Variants in DMD observed in about 807,000 individuals in gnomAD.
DMD encodes mutant dystrophin.
Under a neutral mutation model 330.1 loss-of-function variants are expected in DMD, and 63 were observed. That is an observed-to-expected ratio of 0.19 (90% confidence interval 0.16 to 0.24). The LOEUF is 0.24. Ranked by LOEUF, DMD falls within the 10% of genes least tolerant of loss-of-function variation. The probability of loss-of-function intolerance (pLI) is 1.00; values close to 1 mark genes in which losing one functional copy is unlikely to be tolerated. For missense variants in DMD, 3,344 were observed against 2,684.1 expected, an observed-to-expected ratio of 1.25 and a Z score of -5.43; for synonymous variants, 1,223 against 959.8, an observed-to-expected ratio of 1.27 and a Z score of -5.07.
At chrX:31,694,617 CATATATATATATATATATAT>C (rs34933227) in intron 52 of DMD, among the ~76,000 whole-genome samples, 2 of 58,188 alleles carry the variant, frequency 3.4e-5, no homozygotes, top group Admixed American at 2.4e-4. Context: ...TGACAAACAG[CATATATATATATATATATAT>C]ATATATATAT....
At chrX:31,203,108 C>A (rs2043668965) in intron 67 of DMD, among the ~76,000 whole-genome samples, 1 of 108,260 alleles carries the variant, frequency 9.2e-6, no homozygotes, top group African/African-American at 3.4e-5. Context: ...CTGGTGAAAC[C>A]CTGTCTCTAC....
At position 33,317,764 on chromosome X, in the gene DMD, T is replaced by C. The variant is rs759994253; in HGVS notation, c.7+21495A>G. On this transcript the variant is annotated intron_variant, in intron 1 of 17. Transcript: ENST00000288447. Reference sequence around the variant, plus strand: ...TGCTTAATAGAGCCCACTGTCTCAATAGAAAAGGAATCTGTCTAGTTTCAG... The same window carrying C: ...TGCTTAATAGAGCCCACTGTCTCAACAGAAAAGGAATCTGTCTAGTTTCAG... Among the ~76,000 whole-genome samples, 59 of 111,704 alleles carry C rather than the reference T, an allele frequency of 5.3e-4. 1 individual carries two copies. The highest frequency in any genetic ancestry group is 1.9e-4 in the Non-Finnish European group (10 of 53,055).
chrX:33,009,011 TAC>T (rs1290264959), intron 2 of DMD, among the ~76,000 whole-genome samples: 1 of 98,420 alleles, frequency 1.0e-5, no homozygotes, highest in Non-Finnish European at 2.1e-5. Context: ...TATACACACA[TAC>T]ACACGTATAT....
intron 34 of DMD, among the ~76,000 whole-genome samples, chrX:32,370,212 T>A (rs1349759639): frequency 1.2e-5 from 1 of 82,487 alleles, no homozygotes; most frequent in South Asian, 7.2e-4. Context: ...ACCTTGAAAG[T>A]GGTAGTGTTT....
At chrX:31,945,282 C>CA (rs1218020716) in intron 45 of DMD, among the ~76,000 whole-genome samples, 1 of 112,324 alleles carries the variant, frequency 8.9e-6, no homozygotes, top group African/African-American at 3.2e-5. Flanking sequence ...AGGTAGTTAA[C>CA]AAAATGTTGA....
chrX:31,300,515 TG>T (rs1300921518), intron 62 of DMD, among the ~76,000 whole-genome samples: 1 of 111,973 alleles, frequency 8.9e-6, no homozygotes, highest in Non-Finnish European at 1.9e-5. Context: ...GTACTGCACT[TG>T]GGAAGACAGC....
chrX:31,617,534 C>CAAAAAAAA (rs749572753), intron 55 of DMD, among the ~76,000 whole-genome samples: 2 of 32,047 alleles, frequency 6.2e-5, no homozygotes, highest in Admixed American at 5.5e-4. Flanking sequence ...GACTTCGTCT[C>CAAAAAAAA]AAAAAAAAAA....
chrX:32,184,006 C>T (rs2096936828), intron 44 of DMD, among the ~76,000 whole-genome samples: 1 of 110,334 alleles, frequency 9.1e-6, no homozygotes. Flanking sequence ...TTAAAATCCG[C>T]ATTCGAAATG....
At chrX:31,232,340 C>T (rs1040890337) in intron 63 of DMD, among the ~76,000 whole-genome samples, 1 of 110,758 alleles carries the variant, frequency 9.0e-6, no homozygotes, top group Non-Finnish European at 1.9e-5. Context: ...TGAAACTCTA[C>T]CAGGTTGATA....
chrX:32,441,855 T>C (rs1434765167), intron 27 of DMD, among the ~76,000 whole-genome samples: 1 of 111,645 alleles, frequency 9.0e-6, no homozygotes, highest in South Asian at 3.6e-4. Flanking sequence ...ATTTCCTTTT[T>C]TTAGATAGAC....
At chrX:32,006,700 A>C (rs1005230149) in intron 44 of DMD, among the ~76,000 whole-genome samples, 3 of 110,858 alleles carry the variant, frequency 2.7e-5, no homozygotes, top group African/African-American at 9.9e-5. Context: ...GTCTTTGAAG[A>C]TGTAATTAGT....
chrX:32,850,537 C>T (rs963964810), intron 2 of DMD, among the ~76,000 whole-genome samples: 1 of 111,873 alleles, frequency 8.9e-6, no homozygotes, highest in Admixed American at 9.5e-5. Context: ...CAGTAACATA[C>T]TTAACCTCTA....
intron 43 of DMD, among the ~76,000 whole-genome samples, chrX:32,232,339 C>G (rs1444651301): frequency 4.5e-5 from 5 of 110,989 alleles, no homozygotes; most frequent in Non-Finnish European, 9.5e-5. Context: ...TTAAATATGC[C>G]AGGGGCCCCT....
intron 67 of DMD, among the ~76,000 whole-genome samples, chrX:31,193,121 T>C (rs1324418561): frequency 9.0e-6 from 1 of 111,638 alleles, no homozygotes; most frequent in Non-Finnish European, 1.9e-5. Flanking sequence ...TGCGGGTCCA[T>C]ATATATTGAA....
chrX:31,656,310 G>A (rs2080780445), intron 54 of DMD, among the ~76,000 whole-genome samples: 1 of 112,017 alleles, frequency 8.9e-6, no homozygotes, highest in Admixed American at 9.4e-5. Context: ...AATATAAACT[G>A]GAAGTCATTC....
chrX:31,311,335 T>C (rs1018963779), intron 62 of DMD, among the ~76,000 whole-genome samples: 4 of 111,788 alleles, frequency 3.6e-5, no homozygotes, highest in South Asian at 3.8e-4. Context: ...TCCATCTAAA[T>C]TGACCACGCG....
intron 1 of DMD, among the ~76,000 whole-genome samples, chrX:33,105,218 C>A (rs2095275133): frequency 9.0e-6 from 1 of 111,569 alleles, no homozygotes; most frequent in African/African-American, 3.3e-5. Context: ...GAAAATGGGA[C>A]AACCACATGT....
intron 57 of DMD, among the ~76,000 whole-genome samples, chrX:31,482,994 G>T (rs778012265): frequency 3.7e-5 from 4 of 109,139 alleles, no homozygotes; most frequent in African/African-American, 1.0e-4. Context: ...TTGACAGAAG[G>T]TGGAGATAAT....
At chrX:31,587,277 T>C (rs1373468905) in intron 55 of DMD, among the ~76,000 whole-genome samples, 2 of 111,694 alleles carry the variant, frequency 1.8e-5, no homozygotes, top group African/African-American at 6.5e-5. Context: ...ATGGATACTA[T>C]AGTTAACAGC....
Sources: allele counts gnomAD v4.1 joint callset (sites outside exome capture counted in the v4.1 genomes callset), GRCh38; gene constraint gnomAD v4.1.1; transcripts MANE v1.5; gene names NCBI Gene and HGNC (gene_info 2026-07-23, HGNC 2026-07-21).